The following TMEM232 variants were observed in gnomAD, a reference collection of about 807,000 sequenced individuals.
TMEM232 encodes transmembrane protein 232.
Under a neutral mutation model 78.8 loss-of-function variants are expected in TMEM232, and 80 were observed. The ratio of observed to expected loss-of-function variants is 1.01; its 90% CI spans 0.85 to 1.22. TMEM232 has a LOEUF of 1.22. Ranked by LOEUF, TMEM232 falls within the 50% of genes most tolerant of loss-of-function variation. The pLI, the probability that TMEM232 is intolerant of heterozygous loss-of-function variation, is 0.00. For missense variants in TMEM232, 881 were observed against 742.2 expected (o/e 1.19, Z -2.17); for synonymous variants, 297 against 254.3 (o/e 1.17, Z -1.60).
In TMEM232 at chr5:110,637,590, A is replaced by ATATAT. The variant is rs552075353; in HGVS notation, c.501+607_501+608insATATA. Among the ~76,000 whole-genome samples, 991 of 151,824 alleles carry ATATAT rather than the reference A, an allele frequency of 6.5e-3. 17 individuals carry two copies. The highest frequency in any genetic ancestry group is 0.023 in the African/African-American group (935 of 41,422). On this transcript the variant is annotated intron_variant, in intron 5 of 13. Coordinates refer to ENST00000455884, the MANE Select transcript of TMEM232 (RefSeq NM_001039763.4). ...ACATATATGTGTATATATATATATA[A>ATATAT]AAAACCATCTTAAAAAATACTTTTA... is the stretch of plus-strand genomic sequence containing the variant.
chr5:110,608,253 T>C (rs1238345915), intron 8 of TMEM232, among the ~76,000 whole-genome samples: 3 of 151,972 alleles, frequency 2.0e-5, no homozygotes, highest in Non-Finnish European at 2.9e-5. Flanking sequence ...TTGAATGAAA[T>C]ACTCTATGTA....
At chr5:110,502,507 A>C (rs181719754) in intron 12 of TMEM232, among the ~76,000 whole-genome samples, 2 of 152,304 alleles carry the variant, frequency 1.3e-5, no homozygotes, top group East Asian at 3.9e-4. Flanking sequence ...CTCAGCCTTC[A>C]CCTTTAGACC....
At chr5:110,680,915 G>C (rs772577166) in intron 1 of TMEM232, among the ~76,000 whole-genome samples, 8 of 151,992 alleles carry the variant, frequency 5.3e-5, no homozygotes, top group Admixed American at 1.3e-4. Context: ...ATGGGGTATG[G>C]GTAGGGGTAG....
chr5:110,517,251 C>T (rs1215930935), intron 12 of TMEM232, among the ~76,000 whole-genome samples: 1 of 152,098 alleles, frequency 6.6e-6, no homozygotes, highest in East Asian at 1.9e-4. Flanking sequence ...TCTATTAATT[C>T]GATTTGGGAG....
chr5:110,400,600 T>C (rs974042317), intron 2 of TMEM232, among the ~76,000 whole-genome samples: 1 of 152,136 alleles, frequency 6.6e-6, no homozygotes, highest in Non-Finnish European at 1.5e-5. Context: ...GTCAAGTTTA[T>C]AAATGCCTTT....
intron 7 of TMEM232, among the ~76,000 whole-genome samples, chr5:110,623,389 T>C (rs1784026720): frequency 6.6e-6 from 1 of 152,214 alleles, no homozygotes; most frequent in African/African-American, 2.4e-5. Context: ...AGTATAGTGC[T>C]ATGGACCTTT....
intron 1 of TMEM232, among the ~76,000 whole-genome samples, chr5:110,674,526 T>C (rs1249967659): frequency 1.3e-5 from 2 of 152,204 alleles, no homozygotes; most frequent in Non-Finnish European, 2.9e-5. Flanking sequence ...AATGAAGCAA[T>C]AAACATCACC....
At chr5:110,400,005 C>T (rs1293524278) in intron 2 of TMEM232, among the ~76,000 whole-genome samples, 1 of 152,158 alleles carries the variant, frequency 6.6e-6, no homozygotes. Context: ...ACAGAAAGCA[C>T]TCCTTGCTCT....
At chr5:110,389,410 C>T (rs1218996816) in intron 4 of TMEM232, among the ~76,000 whole-genome samples, 1 of 152,156 alleles carries the variant, frequency 6.6e-6, no homozygotes, top group Non-Finnish European at 1.5e-5. Context: ...CTTTTCCTAA[C>T]ACTGGCAAAA....
chr5:110,605,499 G>A (rs922061890), intron 9 of TMEM232, 141 bp from the exon 10 acceptor site: 1 of 854,800 alleles, frequency 1.2e-6, no homozygotes, highest in African/African-American at 1.7e-5. Flanking sequence ...GGTTTACCAT[G>A]AGTAGACTGC....
chr5:110,599,923 T>G (rs7729261), intron 10 of TMEM232, among the ~76,000 whole-genome samples: 2 of 151,908 alleles, frequency 1.3e-5, no homozygotes, highest in Admixed American at 6.6e-5. Flanking sequence ...GGAAGTAAAA[T>G]GCTCTTCAGC....
At chr5:110,722,172 C>T (rs1359227423) in intron 1 of TMEM232, among the ~76,000 whole-genome samples, 1 of 152,082 alleles carries the variant, frequency 6.6e-6, no homozygotes, top group Non-Finnish European at 1.5e-5. Flanking sequence ...AATGAAATCA[C>T]CTTTTCCCCT....
In TMEM232 at chr5:110,708,711, T is replaced by A. The variant is rs78492094; in HGVS notation, c.-13+17916A>T. On this transcript the variant is annotated intron_variant, in intron 1 of 13. Coordinates refer to ENST00000455884, the MANE Select transcript of TMEM232 (RefSeq NM_001039763.4). ...TTGCAAGCCTAATGGTAAGTGCAAA[T>A]TGAAAAATATGCAACAGATTCACAA... Among the ~76,000 whole-genome samples, 857 of 151,872 alleles carry A rather than the reference T, an allele frequency of 5.6e-3. 5 individuals carry two copies. The highest frequency in any genetic ancestry group is 0.019 in the African/African-American group (806 of 41,408).
upstream of TMEM232, among the ~76,000 whole-genome samples, chr5:110,727,622 T>C (rs981851166): frequency 7.9e-5 from 12 of 151,824 alleles, no homozygotes; most frequent in Admixed American, 3.3e-4. Flanking sequence ...AAAAAAAAAA[T>C]ACTAAAACGT....
At chr5:110,547,831 C>T (rs959652067) in intron 11 of TMEM232, among the ~76,000 whole-genome samples, 19 of 151,746 alleles carry the variant, frequency 1.3e-4, no homozygotes, top group African/African-American at 4.6e-4. Flanking sequence ...AATCCAGTCT[C>T]TACTAAAAAT....
At chr5:110,704,241 T>C (rs1352078353) in intron 1 of TMEM232, among the ~76,000 whole-genome samples, 2 of 152,108 alleles carry the variant, frequency 1.3e-5, no homozygotes, top group Non-Finnish European at 2.9e-5. Flanking sequence ...GAGAGAACCT[T>C]ATCAAGTATT....
chr5:110,666,441 C>T (rs970855712), intron 2 of TMEM232, among the ~76,000 whole-genome samples: 1 of 152,036 alleles, frequency 6.6e-6, no homozygotes, highest in African/African-American at 2.4e-5. Context: ...ATTAAAACTA[C>T]TCTGAACATT....
At chr5:110,630,281 C>T (rs1784949018) in intron 5 of TMEM232, among the ~76,000 whole-genome samples, 2 of 152,180 alleles carry the variant, frequency 1.3e-5, no homozygotes. Flanking sequence ...TACTCATTCT[C>T]TCCAGAAAGA....
intron 8 of TMEM232, among the ~76,000 whole-genome samples, chr5:110,616,396 T>A (rs1199459902): frequency 6.6e-6 from 1 of 152,002 alleles, no homozygotes; most frequent in Non-Finnish European, 1.5e-5. Flanking sequence ...TCTCTCACAC[T>A]GTATAGAAAA....
Sources: gnomAD v4.1 joint callset for allele counts (sites outside exome capture counted in the v4.1 genomes callset) on GRCh38, gnomAD v4.1.1 for gene constraint, MANE v1.5 for transcripts, NCBI Gene and HGNC (gene_info 2026-07-23, HGNC 2026-07-21) for gene names.